The following SLC9A9 variants were observed in gnomAD, a reference collection of about 807,000 sequenced individuals.
The protein encoded by SLC9A9 is solute carrier family 9 member A9, also known as sodium/hydrogen exchanger 9.
Under a neutral mutation model 77.8 loss-of-function variants are expected in SLC9A9, and 62 were observed. That is an observed-to-expected ratio of 0.80 (90% confidence interval 0.65 to 0.98). SLC9A9 has a LOEUF of 0.98. Among genes scored for constraint, SLC9A9 ranks in the 50% least tolerant of loss-of-function variants. The pLI is 0.00. For synonymous variants in SLC9A9, 320 were observed against 283.5 expected (o/e 1.13, Z -1.29); for missense variants, 775 against 774.9 (o/e 1.00, Z 0.00).
Position 143,832,111 on chromosome 3 carries a change from TA to T in SLC9A9, c.285del (p.Asn96IlefsTer15), listed in dbSNP as rs1346026726. ...TATTCATAAACTTGGTCAGTGATAT[TA>T]ACCAGCAGAGTTGATGGACTGAAAG... ...KLTFSPSTLL[V>X]NITDQVYEYK... On this transcript the variant is annotated frameshift_variant, in exon 2 of 16. Coordinates refer to ENST00000316549, the MANE Select transcript of SLC9A9 (RefSeq NM_173653.4). LOFTEE classifies it high-confidence loss of function. The T allele has an allele frequency of 6.2e-7, 1 of 1,613,076 alleles. No homozygotes were observed. The highest frequency in any genetic ancestry group is 2.2e-5 in the East Asian group (1 of 44,802).
At chr3:143,725,446 T>C (rs933159880) in intron 4 of SLC9A9, among the ~76,000 whole-genome samples, 1 of 152,022 alleles carries the variant, frequency 6.6e-6, no homozygotes, top group Non-Finnish European at 1.5e-5. Flanking sequence ...CGTATGTTTA[T>C]TGCGGCACTA....
intron 12 of SLC9A9, among the ~76,000 whole-genome samples, chr3:143,411,389 G>T (rs1008571974): frequency 6.6e-6 from 1 of 152,072 alleles, no homozygotes; most frequent in African/African-American, 2.4e-5. Flanking sequence ...CCTTCCACCT[G>T]CTACTTCATA....
At chr3:143,800,265 C>T (rs558425281) in intron 2 of SLC9A9, among the ~76,000 whole-genome samples, 2 of 152,262 alleles carry the variant, frequency 1.3e-5, no homozygotes, top group African/African-American at 2.4e-5. Context: ...TTACCCTGCT[C>T]AATGCCAATA....
intron 14 of SLC9A9, among the ~76,000 whole-genome samples, chr3:143,315,555 T>G (rs2031183688): frequency 6.6e-6 from 1 of 152,114 alleles, no homozygotes; most frequent in Admixed American, 6.5e-5. Flanking sequence ...ATCCCTACCC[T>G]CCCAACAAGA....
chr3:143,355,000 T>C (rs1417996451), intron 14 of SLC9A9, among the ~76,000 whole-genome samples: 1 of 152,230 alleles, frequency 6.6e-6, no homozygotes, highest in Non-Finnish European at 1.5e-5. Context: ...TTGCTATCTG[T>C]AGTATAATTT....
chr3:143,701,353 C>T (rs1933796499), intron 4 of SLC9A9, among the ~76,000 whole-genome samples: 1 of 152,028 alleles, frequency 6.6e-6, no homozygotes, highest in Admixed American at 6.6e-5. Flanking sequence ...ATATATGACC[C>T]TTTTGACAGA....
At position 143,704,724 on chromosome 3, in the gene SLC9A9, G is replaced by A. The variant is rs1933911926; in HGVS notation, c.534-11417C>T. Among the ~76,000 whole-genome samples the A allele has an allele frequency of 2.0e-5, 3 of 152,132 alleles. No individual in the cohort carries two copies. In the South Asian group the frequency reaches 6.2e-4, roughly 31 times the overall value. On this transcript the variant is annotated intron_variant, in intron 4 of 15. Transcript: ENST00000316549. ...TAAAAAAAATGTGGCTTGGTGTGGT[G>A]GCTCATGCCTGTAATCCCAGCACTT...
intron 9 of SLC9A9, among the ~76,000 whole-genome samples, chr3:143,538,369 T>C (rs1297742546): frequency 1.3e-5 from 2 of 152,098 alleles, no homozygotes; most frequent in Non-Finnish European, 2.9e-5. Flanking sequence ...AGGGGAAGAA[T>C]AGTAGTGTTT....
chr3:143,377,837 CT>C (rs1157683846), intron 13 of SLC9A9, among the ~76,000 whole-genome samples: 1 of 152,198 alleles, frequency 6.6e-6, no homozygotes, highest in Non-Finnish European at 1.5e-5. Context: ...GCCCCTGCCC[CT>C]GTCTGTTTCT....
At chr3:143,579,256 A>C (rs1038957587) in intron 6 of SLC9A9, among the ~76,000 whole-genome samples, 3 of 152,200 alleles carry the variant, frequency 2.0e-5, no homozygotes, top group African/African-American at 7.2e-5. Context: ...GATGGTGCTC[A>C]GAACATCACA....
At chr3:143,357,355 G>T (rs1412655862) in intron 14 of SLC9A9, among the ~76,000 whole-genome samples, 1 of 152,052 alleles carries the variant, frequency 6.6e-6, no homozygotes, top group African/African-American at 2.4e-5. Flanking sequence ...CTTTGTGAGG[G>T]TCAACCATGC....
At chr3:143,363,420 T>C in intron 14 of SLC9A9, 64 bp downstream of exon 14, 1 of 1,471,736 alleles carries the variant, frequency 6.8e-7, no homozygotes, top group African/African-American at 1.4e-5. Flanking sequence ...CTTCAATGAT[T>C]AAGAGCTTAA....
At position 143,709,467 on chromosome 3, in the gene SLC9A9, G is replaced by A. The variant is rs137863494; in HGVS notation, c.534-16160C>T. ...TAAGGTTCCAGGTGGTATCATTGTC[G>A]CTGGTCCCCAGCCACACTTTGAGTA... On this transcript the variant is annotated intron_variant, in intron 4 of 15. Coordinates refer to ENST00000316549, the MANE Select transcript of SLC9A9 (RefSeq NM_173653.4). Among the ~76,000 whole-genome samples, 35 of 152,212 alleles carry A rather than the reference G, an allele frequency of 2.3e-4. No individual in the cohort carries two copies. The East Asian group carries it at 3.5e-3, about 15-fold the overall frequency.
rs143562900 is a variant in SLC9A9, at chr3:143,732,758, A to G, written c.534-39451T>C. 2.6e-5 allele frequency among the ~76,000 whole-genome samples: 4 copies of G among 152,350 alleles called. No individual in the cohort carries two copies. The East Asian group carries it at 5.8e-4, about 22-fold the overall frequency. ...CCAAGGCACTGTGGAGCTATCTTTT[A>G]TAAAGGAGATTTTCTTTCTTGCAGA... On this transcript the variant is annotated intron_variant, in intron 4 of 15. Transcript: ENST00000316549.
intron 9 of SLC9A9, among the ~76,000 whole-genome samples, chr3:143,540,665 G>T (rs945416019): frequency 1.3e-5 from 2 of 152,110 alleles, no homozygotes; most frequent in African/African-American, 4.8e-5. Context: ...TGTAAGAAAA[G>T]GTCTATACTC....
At chr3:143,640,013 TTTTTTC>T (rs2038594434) in intron 6 of SLC9A9, among the ~76,000 whole-genome samples, 1 of 117,530 alleles carries the variant, frequency 8.5e-6, no homozygotes. Flanking sequence ...TCCTTTCTTT[TTTTTTC>T]TTTTTTTTTT....
chr3:143,285,690 G>C (rs1307078020), intron 14 of SLC9A9, among the ~76,000 whole-genome samples: 1 of 152,230 alleles, frequency 6.6e-6, no homozygotes, highest in Non-Finnish European at 1.5e-5. Context: ...TAACTTGGGA[G>C]CTCAGTGGCA....
intron 4 of SLC9A9, among the ~76,000 whole-genome samples, chr3:143,730,205 T>A (rs1934764952): frequency 6.6e-6 from 1 of 152,174 alleles, no homozygotes; most frequent in African/African-American, 2.4e-5. Flanking sequence ...TGGGCCCCTT[T>A]GAAAGCGTGG....
intron 12 of SLC9A9, among the ~76,000 whole-genome samples, chr3:143,427,313 ATGATACCAG>A (rs1404565204): frequency 6.6e-6 from 1 of 152,206 alleles, no homozygotes. Flanking sequence ...AATCTAAGAA[ATGATACCAG>A]TATATTTTTG....
Sources: allele counts gnomAD v4.1 joint callset (sites outside exome capture counted in the v4.1 genomes callset), GRCh38; gene constraint gnomAD v4.1.1; transcripts MANE v1.5; gene names NCBI Gene and HGNC (gene_info 2026-07-23, HGNC 2026-07-21).